The following TLK1 variants were observed in gnomAD, a reference collection of about 807,000 sequenced individuals.
The protein encoded by TLK1 is tousled like kinase 1, also known as serine/threonine-protein kinase tousled-like 1.
A neutral mutation model predicts 105.3 loss-of-function variants in TLK1; 24 were observed. That is an observed-to-expected ratio of 0.23 (90% CI 0.17 to 0.32). The LOEUF (loss-of-function observed/expected upper bound fraction) is 0.32. Among genes scored for constraint, TLK1 ranks in the 10% least tolerant of loss-of-function variants. TLK1 has a pLI of 1.00. For missense variants in TLK1, 558 were observed against 910.5 expected, an observed-to-expected ratio of 0.61 and a Z score of 4.98; for synonymous variants, 321 against 310.4, an observed-to-expected ratio of 1.03 and a Z score of -0.36.
chr2:171,110,042 T>C (rs1303876806), intron 2 of TLK1, among the ~76,000 whole-genome samples: 1 of 152,244 alleles, frequency 6.6e-6, no homozygotes, highest in Non-Finnish European at 1.5e-5. Context: ...GGAAGTGTTC[T>C]ATATTTTGTT....
chr2:170,994,822 C>A, intron 20 of TLK1: 1 of 402,490 alleles, frequency 2.5e-6, no homozygotes, highest in Non-Finnish European at 5.0e-6. Context: ...CCTCTTTCAC[C>A]CAATATTAAA....
intron 1 of TLK1, among the ~76,000 whole-genome samples, chr2:171,173,564 C>G (rs1479056977): frequency 6.6e-6 from 1 of 151,174 alleles, no homozygotes; most frequent in African/African-American, 2.4e-5. Context: ...ATTTTTTTTT[C>G]TTTTTTTGGC....
intron 12 of TLK1, among the ~76,000 whole-genome samples, chr2:171,024,902 A>C (rs1685702840): frequency 1.3e-5 from 2 of 152,212 alleles, no homozygotes; most frequent in African/African-American, 4.8e-5. Flanking sequence ...CGACTGCTTA[A>C]ACTTGGGAAC....
At chr2:171,076,868 G>C (rs1313878801) in intron 3 of TLK1, among the ~76,000 whole-genome samples, 1 of 151,630 alleles carries the variant, frequency 6.6e-6, no homozygotes, top group Non-Finnish European at 1.5e-5. Context: ...GAGCCGAGAT[G>C]GCGCCACTGC....
intron 2 of TLK1, among the ~76,000 whole-genome samples, chr2:171,086,351 T>C (rs1688971684): frequency 6.6e-6 from 1 of 152,030 alleles, no homozygotes; most frequent in African/African-American, 2.4e-5. Context: ...AGAGGCTGGG[T>C]GCAGTGGCTC....
intron 11 of TLK1, among the ~76,000 whole-genome samples, chr2:171,042,293 C>A (rs767150217): frequency 3.3e-5 from 5 of 152,108 alleles, no homozygotes; most frequent in Non-Finnish European, 5.9e-5. Flanking sequence ...GTCACCCAGG[C>A]TGGAGTGCAG....
chr2:171,160,734 C>A lies in TLK1; in HGVS notation c.-306G>T, dbSNP rs886682340. 49 of 446,740 alleles carry A rather than the reference C, an allele frequency of 1.1e-4. No homozygotes were observed. In the Middle Eastern group the frequency reaches 1.7e-3, roughly 15 times the overall value. The allele number at this position is 446,740 out of a possible 1,614,324, so 27.7% of individuals were successfully genotyped here. On this transcript the variant is annotated 5_prime_UTR_variant, in exon 1 of 21. Coordinates refer to ENST00000431350, the MANE Select transcript of TLK1 (RefSeq NM_012290.5). This position sits in a 1 kb window ranked among gnomAD's most constrained non-coding sequence, Gnocchi z 4.4. ...AGGCGTCGAGGGGGTGCCAGCCGGG[C>A]CGGGGTCGGAGCGCGGGCGGAGCGC...
intron 2 of TLK1, among the ~76,000 whole-genome samples, chr2:171,112,814 A>C (rs1209867014): frequency 6.6e-6 from 1 of 152,206 alleles, no homozygotes; most frequent in Non-Finnish European, 1.5e-5. Flanking sequence ...GATCAGCAAC[A>C]AACTTTAAAG....
chr2:171,026,870 CTT>C, intron 12 of TLK1, among the ~76,000 whole-genome samples: 1 of 152,140 alleles, frequency 6.6e-6, no homozygotes, highest in Non-Finnish European at 1.5e-5. Context: ...AGAGAATAGA[CTT>C]AAGTTGTCAA....
At chr2:171,032,536 C>T (rs1341290052) in intron 11 of TLK1, among the ~76,000 whole-genome samples, 2 of 152,086 alleles carry the variant, frequency 1.3e-5, no homozygotes, top group African/African-American at 2.4e-5. Context: ...AAATTTAACC[C>T]AGGAGGTGAA....
chr2:171,166,641 T>C (rs1165191514), intron 1 of TLK1, among the ~76,000 whole-genome samples: 1 of 152,234 alleles, frequency 6.6e-6, no homozygotes, highest in Non-Finnish European at 1.5e-5. Context: ...CCCAAGCCCT[T>C]TTGAAGTAAG....
chr2:171,090,775 TA>T (rs1689193193), intron 2 of TLK1, among the ~76,000 whole-genome samples: 1 of 152,232 alleles, frequency 6.6e-6, no homozygotes, highest in South Asian at 2.1e-4. Flanking sequence ...AGCTCCACTA[TA>T]ACTCCACTTT....
intron 1 of TLK1, among the ~76,000 whole-genome samples, chr2:171,198,218 G>A (rs1693313233): frequency 6.6e-6 from 1 of 152,138 alleles, no homozygotes; most frequent in African/African-American, 2.4e-5. Context: ...AGAAACATGG[G>A]CTGGCCAGCT....
chr2:171,002,155 C>T (rs747929014), intron 18 of TLK1, among the ~76,000 whole-genome samples: 1 of 152,110 alleles, frequency 6.6e-6, no homozygotes, highest in Non-Finnish European at 1.5e-5. Flanking sequence ...ATTTTAAAAG[C>T]CAACCCTTTT....
At chr2:171,153,094 A>T (rs1304113319) in intron 1 of TLK1, among the ~76,000 whole-genome samples, 2 of 152,206 alleles carry the variant, frequency 1.3e-5, no homozygotes, top group African/African-American at 2.4e-5. Context: ...AGTAAGTTAA[A>T]ATCTGCTTAG....
At chr2:171,071,976 T>G (rs1688280704) in intron 3 of TLK1, among the ~76,000 whole-genome samples, 1 of 152,244 alleles carries the variant, frequency 6.6e-6, no homozygotes. Context: ...TTTATGCCAG[T>G]ACAATGCTGT....
chr2:171,125,289 T>G (rs542437945), intron 1 of TLK1, among the ~76,000 whole-genome samples: 1 of 152,336 alleles, frequency 6.6e-6, no homozygotes, highest in Admixed American at 6.5e-5. Context: ...AGTATATGAT[T>G]AGTCTAGTTA....
At chr2:171,188,346 G>A (rs566820247) in intron 1 of TLK1, among the ~76,000 whole-genome samples, 1 of 152,268 alleles carries the variant, frequency 6.6e-6, no homozygotes, top group East Asian at 1.9e-4. Flanking sequence ...AAGGCGGGTG[G>A]ATGACCTAAG....
chr2:171,128,265 T>C (rs1558957574), intron 1 of TLK1, among the ~76,000 whole-genome samples: 1 of 152,168 alleles, frequency 6.6e-6, no homozygotes, highest in African/African-American at 2.4e-5. Flanking sequence ...TCAATTTTAT[T>C]CTTACTAATA....
Sources: allele counts gnomAD v4.1 joint callset (sites outside exome capture counted in the v4.1 genomes callset), GRCh38; gene constraint gnomAD v4.1.1; non-coding constraint Gnocchi (gnomAD v3.1); transcripts MANE v1.5; gene names NCBI Gene and HGNC (gene_info 2026-07-23, HGNC 2026-07-21).